NHSL1: variants seen among roughly 807,000 people sequenced by gnomAD.
NHSL1 encodes the protein NHS like 1.
Under a neutral mutation model 95.0 loss-of-function variants are expected in NHSL1, and 48 were observed. The observed-to-expected ratio is 0.51, with a 90% CI of 0.40 to 0.64. The LOEUF is 0.64. Ranked by LOEUF, NHSL1 falls within the 30% of genes least tolerant of loss-of-function variation. NHSL1 has a pLI of 0.00. For synonymous variants in NHSL1, 783 were observed against 833.9 expected, an observed-to-expected ratio of 0.94 and a Z score of 1.05; for missense variants, 1,971 against 2,077.7, an observed-to-expected ratio of 0.95 and a Z score of 1.00.
chr6:138,680,113 T>C (rs1785494666), intron 1 of NHSL1, among the ~76,000 whole-genome samples: 1 of 152,216 alleles, frequency 6.6e-6, no homozygotes, highest in South Asian at 2.1e-4. Context: ...TGATGTATTT[T>C]TATTTACACA....
chr6:138,529,753 T>C (rs1429610694), intron 1 of NHSL1, among the ~76,000 whole-genome samples: 1 of 152,228 alleles, frequency 6.6e-6, no homozygotes, highest in Non-Finnish European at 1.5e-5. Flanking sequence ...ACTTCCGCTC[T>C]GCCATCAACC....
At position 138,648,352 on chromosome 6, in the gene NHSL1, G is replaced by GAA. The variant is rs58429767; in HGVS notation, c.96+44122_96+44123dup. 1.5e-3 allele frequency among the ~76,000 whole-genome samples: 205 copies of GAA among 133,990 alleles called. 1 individual carries two copies. Among genetic ancestry groups the GAA allele is most frequent in the African/African-American group, 3.6e-3 (135 of 37,278 alleles). 87.9% of individuals were successfully genotyped at this position (133,990 alleles called of 152,430 possible). A position where few individuals can be genotyped will look rare whatever the true frequency, so the allele number is the denominator to read the frequency against. The stretch of plus-strand genomic sequence containing the variant: ...GTTTTAATAAAACTTTACGGACACT[G>GAA]AAAAAAAAAAAAAAACAATGGATTG... On this transcript the variant is annotated intron_variant, in intron 1 of 3. Coordinates refer to the NHSL1 transcript ENST00000491526.
Position 138,432,587 on chromosome 6 carries a change from A to T in NHSL1, c.1758T>A (p.Ser586Arg). Reference protein sequence around the residue: ...STPTSNMSSCSLDQTSNKEDA... With the variant: ...STPTSNMSSCRLDQTSNKEDA... ...CCTCTTTGTTGGACGTTTGGTCCAA[A>T]CTGCAGCTGCTCATGTTACTTGTGG... is the stretch of plus-strand genomic sequence containing the variant. The change falls in exon 6 of 8, where the codon AGT becomes AGA. Residue 586 changes from serine to arginine, a missense_variant. Transcript: ENST00000343505. This position sits in a 1 kb window ranked among gnomAD's most constrained non-coding sequence, Gnocchi z 4.4. 1 of 1,551,612 alleles carries T rather than the reference A, an allele frequency of 6.4e-7. No homozygotes were observed. The highest frequency in any genetic ancestry group is 8.7e-7 in the Non-Finnish European group (1 of 1,146,804).
chr6:138,668,190 G>A (rs558188703), intron 1 of NHSL1, among the ~76,000 whole-genome samples: 5 of 152,296 alleles, frequency 3.3e-5, no homozygotes, highest in Admixed American at 1.3e-4. Context: ...GCTCACGCCT[G>A]CAATCCCAGC....
At chr6:138,532,705 C>T (rs111850020) in intron 1 of NHSL1, among the ~76,000 whole-genome samples, 2,559 of 152,248 alleles carry the variant, frequency 0.017, 72 homozygotes, top group African/African-American at 0.059. Context: ...GTGGCTTATT[C>T]TGAGTCAATA....
chr6:138,678,973 C>T (rs1002856942), intron 1 of NHSL1, among the ~76,000 whole-genome samples: 1 of 152,198 alleles, frequency 6.6e-6, no homozygotes, highest in Non-Finnish European at 1.5e-5. Context: ...CGCCTCCCAC[C>T]TCTATCATGA....
At chr6:138,668,956 C>A (rs999706007) in intron 1 of NHSL1, among the ~76,000 whole-genome samples, 5 of 152,106 alleles carry the variant, frequency 3.3e-5, no homozygotes, top group African/African-American at 7.2e-5. Flanking sequence ...TGGTTGGATA[C>A]ACGATGGAGG....
At chr6:138,511,294 G>T (rs1312142282) in intron 1 of NHSL1, among the ~76,000 whole-genome samples, 1 of 152,088 alleles carries the variant, frequency 6.6e-6, no homozygotes, top group Non-Finnish European at 1.5e-5. Flanking sequence ...CTGAAGCTTG[G>T]CATTGTAAAG....
At chr6:138,599,571 C>A (rs1784346303) in intron 1 of NHSL1, among the ~76,000 whole-genome samples, 1 of 152,068 alleles carries the variant, frequency 6.6e-6, no homozygotes. Flanking sequence ...ATAACATATG[C>A]AGAAATAATG....
chr6:138,485,698 T>C (rs1372230197), intron 2 of NHSL1, among the ~76,000 whole-genome samples: 1 of 152,224 alleles, frequency 6.6e-6, no homozygotes, highest in Non-Finnish European at 1.5e-5. Context: ...ATTCCCATTC[T>C]GTTAATCCCA....
At chr6:138,498,493 C>CCCAT (rs1780488920) in intron 1 of NHSL1, among the ~76,000 whole-genome samples, 1 of 152,142 alleles carries the variant, frequency 6.6e-6, no homozygotes, top group African/African-American at 2.4e-5. Context: ...AATGCCCCTA[C>CCCAT]CCATGTTCAT....
At chr6:138,475,145 G>A (rs1483165532) in intron 2 of NHSL1, among the ~76,000 whole-genome samples, 5 of 138,418 alleles carry the variant, frequency 3.6e-5, no homozygotes, top group African/African-American at 1.3e-4. Flanking sequence ...GTGAAACTCG[G>A]TCTCAAAAAA....
intron 2 of NHSL1, among the ~76,000 whole-genome samples, chr6:138,486,613 C>A (rs548553043): frequency 1.1e-4 from 16 of 152,278 alleles, no homozygotes; most frequent in African/African-American, 3.9e-4. Flanking sequence ...TGGCCCTCTC[C>A]ATCCCCAATC....
chr6:138,555,591 T>C (rs1783166999), intron 1 of NHSL1, among the ~76,000 whole-genome samples: 1 of 152,208 alleles, frequency 6.6e-6, no homozygotes, highest in Admixed American at 6.5e-5. Flanking sequence ...GAAAACTGAA[T>C]GAATTCTGTT....
In NHSL1 at chr6:138,669,676, G is replaced by A. The variant is rs935734530; in HGVS notation, c.96+22800C>T. ...CAGTTGAGAACCTACCAAACATAGAGGAAGTAAGTAAAAAGATGCATTCTG... is the reference window on the plus strand; with the variant it reads ...CAGTTGAGAACCTACCAAACATAGAAGAAGTAAGTAAAAAGATGCATTCTG... On this transcript the variant is annotated intron_variant, in intron 1 of 3. Coordinates refer to the NHSL1 transcript ENST00000491526. Among the ~76,000 whole-genome samples, 8 of 152,276 alleles carry A rather than the reference G, an allele frequency of 5.3e-5. No individual in the cohort carries two copies. In the South Asian group the frequency reaches 6.2e-4, roughly 12 times the overall value.
intron 1 of NHSL1, among the ~76,000 whole-genome samples, chr6:138,674,081 G>C (rs1294526616): frequency 6.6e-6 from 1 of 151,996 alleles, no homozygotes; most frequent in Non-Finnish European, 1.5e-5. Context: ...TCAAAGCAAG[G>C]ATAAAACTAC....
chr6:138,455,070 G>A (rs946413680), intron 3 of NHSL1, among the ~76,000 whole-genome samples: 2 of 152,216 alleles, frequency 1.3e-5, no homozygotes, highest in African/African-American at 4.8e-5. Context: ...CAGGCAAAAA[G>A]GCGTGGGAAT....
intron 1 of NHSL1, among the ~76,000 whole-genome samples, chr6:138,532,374 A>C (rs751231404): frequency 1.3e-5 from 2 of 152,204 alleles, no homozygotes; most frequent in Admixed American, 1.3e-4. Flanking sequence ...AAACAGTTGC[A>C]ATCTGTTTTT....
At chr6:138,651,178 G>A (rs1031822193) in intron 1 of NHSL1, among the ~76,000 whole-genome samples, 6 of 152,000 alleles carry the variant, frequency 3.9e-5, no homozygotes, top group African/African-American at 1.2e-4. Context: ...ACCTTTATTG[G>A]TATTTCTTCA....
Sources: allele counts gnomAD v4.1 joint callset (sites outside exome capture counted in the v4.1 genomes callset), GRCh38; gene constraint gnomAD v4.1.1; non-coding constraint Gnocchi (gnomAD v3.1); transcripts MANE v1.5; gene names NCBI Gene and HGNC (gene_info 2026-07-23, HGNC 2026-07-21).